The following MEIS2 variants were observed in gnomAD, a reference collection of about 807,000 sequenced individuals.
The protein encoded by MEIS2 is homeobox protein Meis2.
In MEIS2, 9 loss-of-function variants were observed where a neutral mutation model predicts 58.6. The observed-to-expected ratio is 0.15, with a 90% CI of 0.09 to 0.27. The LOEUF (loss-of-function observed/expected upper bound fraction) is 0.27. MEIS2 is among the 10% of genes least tolerant of loss of function. The pLI is 1.00. For synonymous variants in MEIS2, 221 were observed against 228.4 expected (o/e 0.97, Z 0.29); for missense variants, 427 against 635.0 (o/e 0.67, Z 3.52).
intron 1 of MEIS2, chr15:37,099,242 A>G: frequency 7.0e-7 from 1 of 1,434,952 alleles, no homozygotes; most frequent in African/African-American, 1.4e-5. Context: ...ACGCGCGCCC[A>G]GACACGCACA....
At chr15:37,073,684 T>G (rs1032646793) in intron 7 of MEIS2, among the ~76,000 whole-genome samples, 6 of 152,082 alleles carry the variant, frequency 3.9e-5, no homozygotes, top group Non-Finnish European at 8.8e-5. Flanking sequence ...ATCAACTTTT[T>G]TTCATCTTTC....
chr15:36,912,786 T>C (rs2057094233), intron 9 of MEIS2, among the ~76,000 whole-genome samples: 1 of 151,334 alleles, frequency 6.6e-6, no homozygotes, highest in African/African-American at 2.4e-5. Flanking sequence ...AAGTTTGTCT[T>C]TGAAAATTCC....
intron 8 of MEIS2, among the ~76,000 whole-genome samples, chr15:36,995,335 T>TC (rs2060438436): frequency 6.6e-6 from 1 of 152,180 alleles, no homozygotes; most frequent in African/African-American, 2.4e-5. Flanking sequence ...ACTTTTTTTT[T>TC]CTAATTGCAT....
chr15:37,097,843 G>A (rs1487219632), intron 2 of MEIS2, 124 bp downstream of exon 2: 1 of 1,378,268 alleles, frequency 7.3e-7, no homozygotes, highest in Non-Finnish European at 9.5e-7. Flanking sequence ...TAAGGCAAGC[G>A]GCGCCCGCCC....
chr15:37,025,632 G>A (rs1351232216), intron 8 of MEIS2, among the ~76,000 whole-genome samples: 2 of 150,950 alleles, frequency 1.3e-5, no homozygotes, highest in African/African-American at 2.4e-5. Context: ...CTCTTTTTAT[G>A]TAACTGATTA....
intron 9 of MEIS2, among the ~76,000 whole-genome samples, chr15:36,945,865 C>T (rs1004103008): frequency 6.6e-6 from 1 of 151,872 alleles, no homozygotes; most frequent in African/African-American, 2.4e-5. Flanking sequence ...TATCTGGAGG[C>T]CTGGAGACAG....
At chr15:37,043,791 G>A (rs933790583) in intron 7 of MEIS2, among the ~76,000 whole-genome samples, 10 of 150,260 alleles carry the variant, frequency 6.7e-5, no homozygotes, top group African/African-American at 1.5e-4. Flanking sequence ...TGGTTCAAGC[G>A]ATTCTCCTGC....
intron 9 of MEIS2, among the ~76,000 whole-genome samples, chr15:36,932,865 A>T (rs558338180): frequency 6.6e-6 from 1 of 152,336 alleles, no homozygotes; most frequent in East Asian, 1.9e-4. Context: ...AAAGTGATGG[A>T]CAAAGGAATT....
At chr15:36,913,003 C>G (rs1019521982) in intron 9 of MEIS2, among the ~76,000 whole-genome samples, 1 of 152,118 alleles carries the variant, frequency 6.6e-6, no homozygotes, top group Non-Finnish European at 1.5e-5. Flanking sequence ...CACTCAAAAA[C>G]TTATATACAG....
At chr15:36,907,440 G>T (rs2056795266) in intron 9 of MEIS2, among the ~76,000 whole-genome samples, 1 of 152,206 alleles carries the variant, frequency 6.6e-6, no homozygotes, top group African/African-American at 2.4e-5. Flanking sequence ...CTGTGCATGT[G>T]AATGTCCCCG....
chr15:36,956,628 T>G (rs1251600623), intron 8 of MEIS2, among the ~76,000 whole-genome samples: 1 of 152,172 alleles, frequency 6.6e-6, no homozygotes, highest in Non-Finnish European at 1.5e-5. Context: ...CTGGAGTTAC[T>G]AATGGCTATT....
At chr15:37,070,785 T>C (rs1163488888) in intron 7 of MEIS2, among the ~76,000 whole-genome samples, 1 of 152,142 alleles carries the variant, frequency 6.6e-6, no homozygotes, top group East Asian at 1.9e-4. Flanking sequence ...TCTACAAGTT[T>C]CTAGAATGGT....
At position 37,093,809 on chromosome 15, in the gene MEIS2, T is replaced by C. The variant is rs80280295; in HGVS notation, c.490-79A>G. 2,430 of 1,585,220 alleles carry C rather than the reference T, an allele frequency of 1.5e-3. 40 individuals are homozygous for C. In the African/African-American group the frequency reaches 0.03, roughly 20 times the overall value. On this transcript the variant is annotated intron_variant, in intron 5 of 11. Coordinates refer to ENST00000561208, the MANE Select transcript of MEIS2 (RefSeq NM_170675.5). ...TTGTTTCATTTTTAGAAAGGAAAAA[T>C]ACCAGGTTGCAAGGTTACATTTGCA...
chr15:37,004,652 G>T (rs149260040), intron 8 of MEIS2, among the ~76,000 whole-genome samples: 16 of 152,198 alleles, frequency 1.1e-4, no homozygotes, highest in African/African-American at 3.9e-4. Flanking sequence ...TCTTGATACC[G>T]CAGACTGATA....
chr15:36,921,029 C>A (rs1342521829), intron 9 of MEIS2, among the ~76,000 whole-genome samples: 1 of 152,160 alleles, frequency 6.6e-6, no homozygotes, highest in Non-Finnish European at 1.5e-5. Context: ...CTCTGTTGTT[C>A]ATTTTTAACC....
At chr15:37,032,337 C>T (rs1184646794) in intron 8 of MEIS2, among the ~76,000 whole-genome samples, 2 of 152,058 alleles carry the variant, frequency 1.3e-5, no homozygotes, top group African/African-American at 2.4e-5. Context: ...TGGAGGTGCC[C>T]GAGGGCCTAA....
intron 9 of MEIS2, among the ~76,000 whole-genome samples, chr15:36,942,518 C>T (rs1298713884): frequency 6.6e-6 from 1 of 152,100 alleles, no homozygotes; most frequent in South Asian, 2.1e-4. Flanking sequence ...ACAACAGCAA[C>T]AACAACAAAA....
chr15:37,100,661 T>C (rs1422355937), upstream of MEIS2: 3 of 84,926 alleles, frequency 3.5e-5, no homozygotes, highest in Admixed American at 2.0e-4. Flanking sequence ...TCCACGGGGA[T>C]GGGGGACGGC....
chr15:36,942,576 C>A (rs898234936), intron 9 of MEIS2, among the ~76,000 whole-genome samples: 12 of 152,098 alleles, frequency 7.9e-5, no homozygotes, highest in African/African-American at 2.7e-4. Context: ...TTACTCATTA[C>A]CAGAGCAGAT....
Sources: gnomAD v4.1 joint callset for allele counts (sites outside exome capture counted in the v4.1 genomes callset) on GRCh38, gnomAD v4.1.1 for gene constraint, MANE v1.5 for transcripts, NCBI Gene and HGNC (gene_info 2026-07-23, HGNC 2026-07-21) for gene names.